Variants in DLGAP1 observed in about 807,000 individuals in gnomAD.
DLGAP1 encodes disks large-associated protein 1.
DLGAP1 carries 11 observed loss-of-function variants against 90.8 expected under a neutral mutation model. That is an observed-to-expected ratio of 0.12 (90% confidence interval 0.08 to 0.20). DLGAP1 has a LOEUF of 0.20. DLGAP1 is among the 10% of genes least tolerant of loss of function. The probability of loss-of-function intolerance (pLI) is 1.00; values close to 1 mark genes in which losing one functional copy is unlikely to be tolerated. For synonymous variants in DLGAP1, 558 were observed against 540.7 expected (o/e 1.03, Z -0.44); for missense variants, 1,050 against 1,333.8 (o/e 0.79, Z 3.31).
chr18:3,702,958 A>C (rs577726195), intron 7 of DLGAP1, among the ~76,000 whole-genome samples: 1 of 152,314 alleles, frequency 6.6e-6, no homozygotes, highest in African/African-American at 2.4e-5. Flanking sequence ...AGAAATTGAC[A>C]TGAAAGCTTA....
intron 1 of DLGAP1, among the ~76,000 whole-genome samples, chr18:4,281,405 T>G (rs141530889): frequency 6.6e-6 from 1 of 152,146 alleles, no homozygotes; most frequent in Admixed American, 6.5e-5. Context: ...ATACAAAAAC[T>G]TAGCTGGGCA....
At chr18:4,145,478 C>A (rs1353996655) in intron 2 of DLGAP1, among the ~76,000 whole-genome samples, 2 of 152,166 alleles carry the variant, frequency 1.3e-5, no homozygotes, top group Non-Finnish European at 2.9e-5. Flanking sequence ...TCCAGCAAAA[C>A]TTTATTGATC....
intron 4 of DLGAP1, chr18:3,874,421 G>T: frequency 7.0e-7 from 1 of 1,436,968 alleles, no homozygotes. Context: ...GTTAACAGTT[G>T]GAAATCTAAA....
chr18:4,314,274 ACTT>A (rs2080473420), intron 1 of DLGAP1, among the ~76,000 whole-genome samples: 1 of 152,220 alleles, frequency 6.6e-6, no homozygotes, highest in Admixed American at 6.5e-5. Context: ...ACCAGCTGCT[ACTT>A]CTTAATGCCC....
chr18:3,556,960 A>G lies in DLGAP1; in HGVS notation c.2057+10530T>C, dbSNP rs376596093. Among the ~76,000 whole-genome samples the G allele has an allele frequency of 6.6e-5, 10 of 152,296 alleles. 2 individuals carry two copies. The highest frequency in any genetic ancestry group is 3.9e-4 in the East Asian group (2 of 5,184). ...TCTTAGTTAGCCTAGTTAAAGGCTT[A>G]TCATTTTATTAATTTTTTCAGAGTC... On this transcript the variant is annotated intron_variant, in intron 9 of 12. Transcript: ENST00000315677.
chr18:3,946,786 T>G (rs2072886213), intron 3 of DLGAP1, among the ~76,000 whole-genome samples: 1 of 152,162 alleles, frequency 6.6e-6, no homozygotes, highest in Admixed American at 6.5e-5. Flanking sequence ...TAATAAAAGA[T>G]ACCAAAAATG....
chr18:4,454,627 G>A lies in DLGAP1; in HGVS notation c.-267+379C>T, dbSNP rs917518847. Among the ~76,000 whole-genome samples the A allele has an allele frequency of 6.6e-6, 1 of 152,056 alleles. No homozygotes were observed. The highest frequency in any genetic ancestry group is 2.4e-5 in the African/African-American group (1 of 41,432). ...CAAGGTGCATCGGGGGTGGGGTGGG[G>A]GTGCGAATTTGACCGGTGGACATGA... On this transcript the variant is annotated intron_variant, in intron 1 of 12. Transcript: ENST00000315677. This position sits in a 1 kb window ranked among gnomAD's most constrained non-coding sequence, Gnocchi z 4.7.
At chr18:4,205,559 C>A (rs544068953) in intron 1 of DLGAP1, among the ~76,000 whole-genome samples, 71 of 152,282 alleles carry the variant, frequency 4.7e-4, no homozygotes, top group Admixed American at 1.2e-3. Flanking sequence ...GTGGTGTGAT[C>A]ACAGTTCACA....
intron 1 of DLGAP1, among the ~76,000 whole-genome samples, chr18:4,445,498 C>T (rs2144865392): frequency 7.4e-6 from 1 of 135,462 alleles, no homozygotes; most frequent in South Asian, 2.3e-4. Context: ...CTTCCTGTGT[C>T]CATGTGATCT....
chr18:4,026,082 C>T (rs567176341), intron 2 of DLGAP1, among the ~76,000 whole-genome samples: 10 of 152,290 alleles, frequency 6.6e-5, no homozygotes, highest in South Asian at 4.2e-4. Flanking sequence ...CAGGTTCTTG[C>T]GGCAGCAATA....
chr18:3,657,603 CTTTTTTTT>C (rs1156440850), intron 7 of DLGAP1, among the ~76,000 whole-genome samples: 2 of 134,358 alleles, frequency 1.5e-5, no homozygotes, highest in Non-Finnish European at 3.2e-5. Flanking sequence ...CCATGGAATT[CTTTTTTTT>C]TTTTTTTTTG....
intron 7 of DLGAP1, among the ~76,000 whole-genome samples, chr18:3,657,963 C>T (rs2059560168): frequency 6.6e-6 from 1 of 152,206 alleles, no homozygotes; most frequent in Non-Finnish European, 1.5e-5. Flanking sequence ...AGCAGTTCAA[C>T]CATGATCAGA....
chr18:4,170,441 GAA>G (rs2144580337), intron 1 of DLGAP1, among the ~76,000 whole-genome samples: 1 of 152,256 alleles, frequency 6.6e-6, no homozygotes, highest in East Asian at 1.9e-4. Context: ...AAAAATCCCT[GAA>G]GACAGGTGAG....
chr18:3,737,013 AAATCTAGAAGAAATGGAT>A (rs1462923946), intron 6 of DLGAP1, among the ~76,000 whole-genome samples: 1 of 148,996 alleles, frequency 6.7e-6, no homozygotes, highest in Admixed American at 6.8e-5. Flanking sequence ...ATAAACTAGA[AAATCTAGAAGAAATGGAT>A]AAATTCCTCG....
chr18:3,859,581 G>C (rs536502586), intron 4 of DLGAP1, among the ~76,000 whole-genome samples: 2 of 152,290 alleles, frequency 1.3e-5, no homozygotes, highest in South Asian at 4.1e-4. Flanking sequence ...GTCAGAGCGA[G>C]AGTTGTGGCC....
At chr18:3,828,136 C>A (rs1269162362) in intron 4 of DLGAP1, among the ~76,000 whole-genome samples, 4 of 152,058 alleles carry the variant, frequency 2.6e-5, no homozygotes, top group Admixed American at 1.3e-4. Context: ...AAACACAGAC[C>A]TGCATGTCTT....
chr18:3,547,258 C>T (rs1394226175), intron 9 of DLGAP1, among the ~76,000 whole-genome samples: 2 of 144,674 alleles, frequency 1.4e-5, no homozygotes, highest in Admixed American at 7.1e-5. Flanking sequence ...GCCGAGATCG[C>T]GCCACTGCAC....
chr18:4,147,584 TCCATC>T (rs1370234020), intron 2 of DLGAP1, among the ~76,000 whole-genome samples: 18 of 65,866 alleles, frequency 2.7e-4, no homozygotes, highest in Non-Finnish European at 5.5e-4. Context: ...CATCCATCCA[TCCATC>T]CATCCATCCA....
chr18:3,555,592 T>C (rs560625054), intron 9 of DLGAP1, among the ~76,000 whole-genome samples: 3 of 152,136 alleles, frequency 2.0e-5, no homozygotes, highest in African/African-American at 7.2e-5. Flanking sequence ...GGGCGGATCA[T>C]CTGAAGTCAG....
Sources: allele counts gnomAD v4.1 joint callset (sites outside exome capture counted in the v4.1 genomes callset), GRCh38; gene constraint gnomAD v4.1.1; non-coding constraint Gnocchi (gnomAD v3.1); transcripts MANE v1.5; gene names NCBI Gene and HGNC (gene_info 2026-07-23, HGNC 2026-07-21).